Variants in DPP6 observed in about 807,000 individuals in gnomAD.
DPP6 encodes the protein A-type potassium channel modulatory protein DPP6.
DPP6 carries 69 observed loss-of-function variants against 122.6 expected under a neutral mutation model. The observed-to-expected ratio is 0.56, with a 90% CI of 0.46 to 0.69. The LOEUF (loss-of-function observed/expected upper bound fraction) is 0.69, where lower values mean the gene tolerates loss of function less well. DPP6 is among the 30% of genes least tolerant of loss of function. The pLI is 0.00. For missense variants in DPP6, 928 were observed against 1,116.9 expected (o/e 0.83, Z 2.41); for synonymous variants, 418 against 433.1 (o/e 0.97, Z 0.43).
chr7:154,480,618 G>C (rs1340966154), intron 3 of DPP6, among the ~76,000 whole-genome samples: 5 of 152,012 alleles, frequency 3.3e-5, no homozygotes, highest in African/African-American at 1.2e-4. Context: ...CCTTTTCATG[G>C]CTGCACGCCC....
At chr7:154,519,844 G>C (rs1826827596) in intron 3 of DPP6, among the ~76,000 whole-genome samples, 1 of 152,172 alleles carries the variant, frequency 6.6e-6, no homozygotes, top group Non-Finnish European at 1.5e-5. Context: ...GTGGTCAAAA[G>C]GTGTAGTTGG....
the DPP6 span, among the ~76,000 whole-genome samples, chr7:153,840,680 C>A: frequency 6.6e-6 from 1 of 152,094 alleles, no homozygotes; most frequent in African/African-American, 2.4e-5. Flanking sequence ...GTCGGGAAAC[C>A]ATCTGGATAG....
intron 7 of DPP6, among the ~76,000 whole-genome samples, chr7:154,723,354 C>G (rs949576715): frequency 8.0e-5 from 12 of 150,608 alleles, no homozygotes; most frequent in African/African-American, 2.9e-4. Context: ...AAAACCAAAG[C>G]AAAAAAAGAG....
the DPP6 span, among the ~76,000 whole-genome samples, chr7:153,803,224 T>C: frequency 0.39 from 54,944 of 140,760 alleles, 11,702 homozygotes; most frequent in Middle Eastern, 0.56. Context: ...CCCTGGCATA[T>C]GCAAACAGTG....
At chr7:154,397,049 GA>G (rs1815150522) in intron 1 of DPP6, among the ~76,000 whole-genome samples, 1 of 151,366 alleles carries the variant, frequency 6.6e-6, no homozygotes, top group Non-Finnish European at 1.5e-5. Flanking sequence ...ATAATCTAAT[GA>G]AATAGATTAT....
At position 154,557,168 on chromosome 7, in the gene DPP6, C is replaced by T. The variant is rs186285544; in HGVS notation, c.553-9674C>T. Among the ~76,000 whole-genome samples, 119 of 152,296 alleles carry T rather than the reference C, an allele frequency of 7.8e-4. 1 individual carries two copies. The highest frequency in any genetic ancestry group is 2.5e-3 in the African/African-American group (104 of 41,574). ...CATCGGGGGCATCCAAGCTTATCCA[C>T]CAGATAAGTGGAGCCACCTAACCTG... On this transcript the variant is annotated intron_variant, in intron 4 of 25. Coordinates refer to ENST00000377770, the MANE Select transcript of DPP6 (RefSeq NM_130797.4).
At chr7:154,077,746 C>T (rs1205796344) in intron 1 of DPP6, among the ~76,000 whole-genome samples, 1 of 151,576 alleles carries the variant, frequency 6.6e-6, no homozygotes, top group Non-Finnish European at 1.5e-5. Context: ...TCTGAGCTCA[C>T]TGCAACCTCC....
At chr7:153,782,131 G>A in the DPP6 span, among the ~76,000 whole-genome samples, 3 of 151,870 alleles carry the variant, frequency 2.0e-5, no homozygotes, top group East Asian at 5.8e-4. Context: ...GTTTGGGAGG[G>A]TTTAACCCCA....
intron 8 of DPP6, among the ~76,000 whole-genome samples, chr7:154,740,855 T>G (rs1452521902): frequency 2.0e-5 from 3 of 152,200 alleles, no homozygotes; most frequent in African/African-American, 4.8e-5. Context: ...CTGATAAACC[T>G]TCTCCTTATC....
At chr7:154,131,686 C>T (rs925774618) in intron 1 of DPP6, among the ~76,000 whole-genome samples, 1 of 152,278 alleles carries the variant, frequency 6.6e-6, no homozygotes, top group Non-Finnish European at 1.5e-5. Flanking sequence ...AGGAACTAAC[C>T]TCGTCTGTAG....
At chr7:154,437,762 C>A (rs1818991245) in intron 1 of DPP6, among the ~76,000 whole-genome samples, 1 of 152,128 alleles carries the variant, frequency 6.6e-6, no homozygotes, top group South Asian at 2.1e-4. Flanking sequence ...ATGGCGAAAC[C>A]CAGTCTCTGC....
At chr7:154,101,906 C>A (rs1360853931) in intron 1 of DPP6, among the ~76,000 whole-genome samples, 1 of 100,074 alleles carries the variant, frequency 1.0e-5, no homozygotes. Flanking sequence ...CCAGCCTGGG[C>A]AACAAGAGCA....
intron 1 of DPP6, among the ~76,000 whole-genome samples, chr7:154,375,325 G>A (rs1813037953): frequency 6.6e-6 from 1 of 152,064 alleles, no homozygotes; most frequent in Non-Finnish European, 1.5e-5. Flanking sequence ...CAATGGCGAG[G>A]GGATGTTGGC....
intron 5 of DPP6, among the ~76,000 whole-genome samples, chr7:154,632,061 G>A (rs961122169): frequency 1.3e-5 from 2 of 152,240 alleles, no homozygotes; most frequent in African/African-American, 2.4e-5. Context: ...ACAGAAAACA[G>A]AAGTGAGGGA....
At position 154,875,332 on chromosome 7, in the gene DPP6, G is replaced by A. The variant is rs1168750131; in HGVS notation, c.1884-574G>A. Among the ~76,000 whole-genome samples the A allele has an allele frequency of 6.6e-6, 1 of 152,200 alleles. No individual in the cohort carries two copies. Among genetic ancestry groups the A allele is most frequent in the Admixed American group, 6.5e-5 (1 of 15,290 alleles). ...GAGGAGAGCACAGTGGGAGCCGCCAGCCCAGGTCGGAGGCCACACTGCCCA... is the reference window on the plus strand; with the variant it reads ...GAGGAGAGCACAGTGGGAGCCGCCAACCCAGGTCGGAGGCCACACTGCCCA... On this transcript the variant is annotated intron_variant, in intron 19 of 25. Transcript: ENST00000377770. The surrounding 1 kb of genome is among the most constrained non-coding windows in gnomAD (Gnocchi z 4.5).
At chr7:154,264,365 G>C (rs1351388727) in intron 1 of DPP6, among the ~76,000 whole-genome samples, 1 of 152,094 alleles carries the variant, frequency 6.6e-6, no homozygotes, top group African/African-American at 2.4e-5. Flanking sequence ...GAGTTATTTG[G>C]TGTCACATAA....
intron 3 of DPP6, among the ~76,000 whole-genome samples, chr7:154,525,444 C>A (rs557632054): frequency 1.3e-5 from 2 of 152,314 alleles, no homozygotes; most frequent in South Asian, 2.1e-4. Flanking sequence ...AGGCATGAAC[C>A]ACTGCACCTG....
At chr7:154,546,234 T>C (rs1021071334) in intron 4 of DPP6, among the ~76,000 whole-genome samples, 5 of 152,204 alleles carry the variant, frequency 3.3e-5, no homozygotes, top group Admixed American at 2.0e-4. Flanking sequence ...ACTATATATA[T>C]TGAAAGGCTA....
the DPP6 span, among the ~76,000 whole-genome samples, chr7:153,771,236 AC>A: frequency 6.6e-6 from 1 of 152,214 alleles, no homozygotes; most frequent in Non-Finnish European, 1.5e-5. Flanking sequence ...TCCCAAAGGC[AC>A]CCACAGGGAA....
Sources: allele counts gnomAD v4.1 joint callset (sites outside exome capture counted in the v4.1 genomes callset), GRCh38; gene constraint gnomAD v4.1.1; non-coding constraint Gnocchi (gnomAD v3.1); transcripts MANE v1.5; gene names NCBI Gene and HGNC (gene_info 2026-07-23, HGNC 2026-07-21).